Variants in ARID1B observed in about 807,000 individuals in gnomAD.
The protein encoded by ARID1B is AT-rich interaction domain 1B.
A neutral mutation model predicts 212.3 loss-of-function variants in ARID1B; 30 were observed. The observed-to-expected ratio is 0.14, with a 90% CI of 0.11 to 0.19. The LOEUF (loss-of-function observed/expected upper bound fraction) is 0.19, where lower values mean the gene tolerates loss of function less well. ARID1B is among the 10% of genes least tolerant of loss of function. ARID1B has a pLI of 1.00. For synonymous variants in ARID1B, 1,402 were observed against 1,301.7 expected, an observed-to-expected ratio of 1.08 and a Z score of -1.66; for missense variants, 2,891 against 3,204.0, an observed-to-expected ratio of 0.90 and a Z score of 2.36.
chr6:156,882,157 C>T (rs1246585321), intron 2 of ARID1B, among the ~76,000 whole-genome samples: 1 of 152,102 alleles, frequency 6.6e-6, no homozygotes, highest in Non-Finnish European at 1.5e-5. Context: ...TTCAACAGAT[C>T]TTACTCTCGT....
chr6:156,896,576 CAAAAAAAAA>C (rs72490811), intron 2 of ARID1B, among the ~76,000 whole-genome samples: 7 of 45,912 alleles, frequency 1.5e-4, no homozygotes, highest in Non-Finnish European at 2.2e-4. Context: ...AACTGCGTCT[CAAAAAAAAA>C]AAAAAAAAAA....
chr6:157,088,227 TTC>T (rs1429828345), intron 5 of ARID1B, among the ~76,000 whole-genome samples: 1 of 152,178 alleles, frequency 6.6e-6, no homozygotes, highest in African/African-American at 2.4e-5. Context: ...GGGCACCATT[TTC>T]TCATTCATAC....
chr6:157,169,638 G>A (rs2128295801), intron 9 of ARID1B: 1 of 152,258 alleles, frequency 6.6e-6, no homozygotes, highest in Admixed American at 6.5e-5. Context: ...TGTGTGATTG[G>A]TTAGGTTTTA....
At chr6:156,850,538 C>T (rs186135881) in intron 2 of ARID1B, among the ~76,000 whole-genome samples, 19 of 152,284 alleles carry the variant, frequency 1.2e-4, no homozygotes, top group African/African-American at 4.6e-4. Context: ...ACTGGAATCA[C>T]CCCTTGCACT....
At chr6:156,832,654 C>T (rs893510445) in intron 2 of ARID1B, among the ~76,000 whole-genome samples, 2 of 152,094 alleles carry the variant, frequency 1.3e-5, no homozygotes, top group Admixed American at 6.5e-5. Flanking sequence ...TCCTGGCTGG[C>T]GTTCTGCTCC....
chr6:156,950,378 A>G (rs1437185029), intron 4 of ARID1B, among the ~76,000 whole-genome samples: 1 of 152,252 alleles, frequency 6.6e-6, no homozygotes, highest in South Asian at 2.1e-4. Flanking sequence ...AAGATGGTGA[A>G]TCAGGTAGTA....
At chr6:157,133,666 C>T (rs974924387) in intron 7 of ARID1B, among the ~76,000 whole-genome samples, 6 of 152,308 alleles carry the variant, frequency 3.9e-5, no homozygotes, top group South Asian at 2.1e-4. Flanking sequence ...AGTTTCTCTC[C>T]GAGGTGCCGC....
In ARID1B at chr6:157,174,857, G is replaced by T; in HGVS notation, c.3356G>T (p.Ser1119Ile). The change falls in exon 11 of 20, where the codon AGC becomes ATC. Residue 1119 changes from serine (S) to isoleucine (I), a missense_variant. Ser to Ile is a moderately radical substitution (Grantham distance 142). Transcript: ENST00000636930. ...QPESKSKDSY[S>I]SQGISQPPTP... ...ATTCCTCTACCACAGGATAGCTACA[G>T]CTCTCAGGGTATTTCTCAGCCCCCA... 6.5e-7 allele frequency: 1 copy of T among 1,546,034 alleles called. No homozygotes were observed. The highest frequency in any genetic ancestry group is 8.7e-7 in the Non-Finnish European group (1 of 1,146,550).
At chr6:157,169,360 T>G (rs1791557061) in intron 9 of ARID1B, 1 of 152,104 alleles carries the variant, frequency 6.6e-6, no homozygotes. Flanking sequence ...TTGTAGACAG[T>G]GTACGGGGCC....
intron 8 of ARID1B, among the ~76,000 whole-genome samples, chr6:157,163,491 A>G (rs749618181): frequency 1.5e-4 from 23 of 152,134 alleles, no homozygotes; most frequent in Non-Finnish European, 2.8e-4. Flanking sequence ...GACTCTTGGC[A>G]GTAGTGTCTC....
intron 2 of ARID1B, among the ~76,000 whole-genome samples, chr6:156,832,010 G>T (rs1156341021): frequency 6.6e-6 from 1 of 152,130 alleles, no homozygotes; most frequent in East Asian, 1.9e-4. Flanking sequence ...TTGAAATATA[G>T]TATCTTGTTT....
At chr6:157,047,885 G>T (rs1782343596) in intron 4 of ARID1B, among the ~76,000 whole-genome samples, 1 of 152,148 alleles carries the variant, frequency 6.6e-6, no homozygotes, top group Admixed American at 6.5e-5. Context: ...GTAATTAGAG[G>T]CGTGTTTCAG....
intron 4 of ARID1B, among the ~76,000 whole-genome samples, chr6:156,969,891 G>A (rs1211892569): frequency 7.7e-5 from 8 of 103,626 alleles, no homozygotes; most frequent in South Asian, 3.4e-4. Context: ...ATTATATAAT[G>A]CTTTTTTTTT....
At chr6:157,031,009 A>G (rs1473806333) in intron 4 of ARID1B, among the ~76,000 whole-genome samples, 4 of 151,788 alleles carry the variant, frequency 2.6e-5, no homozygotes, top group Non-Finnish European at 5.9e-5. Flanking sequence ...AATGAGGAGA[A>G]CGAGGAGAAT....
At chr6:156,915,278 C>T (rs747142983) in intron 3 of ARID1B, among the ~76,000 whole-genome samples, 2 of 152,078 alleles carry the variant, frequency 1.3e-5, no homozygotes, top group Non-Finnish European at 2.9e-5. Context: ...AGAACAGGCA[C>T]ATTTTAGGCC....
intron 2 of ARID1B, among the ~76,000 whole-genome samples, chr6:156,897,657 G>C (rs1451088045): frequency 6.6e-6 from 1 of 151,580 alleles, no homozygotes; most frequent in Non-Finnish European, 1.5e-5. Context: ...CAGTTTTGCA[G>C]GTTTTAAAAA....
chr6:156,906,184 TG>T (rs1316645248), intron 3 of ARID1B, among the ~76,000 whole-genome samples: 1 of 151,978 alleles, frequency 6.6e-6, no homozygotes, highest in Non-Finnish European at 1.5e-5. Context: ...CTCAAGAAGC[TG>T]GGGGTACTTT....
chr6:157,126,239 T>C (rs1423896995), intron 6 of ARID1B, among the ~76,000 whole-genome samples: 1 of 152,186 alleles, frequency 6.6e-6, no homozygotes, highest in African/African-American at 2.4e-5. Context: ...TTTTTCTTAT[T>C]TGACTCTCAG....
chr6:157,032,057 A>G (rs1006987266), intron 4 of ARID1B, among the ~76,000 whole-genome samples: 1 of 152,250 alleles, frequency 6.6e-6, no homozygotes, highest in African/African-American at 2.4e-5. Context: ...TCGGCCTGCC[A>G]AAGTGCCGGG....
Sources: gnomAD v4.1 joint callset for allele counts (sites outside exome capture counted in the v4.1 genomes callset) on GRCh38, gnomAD v4.1.1 for gene constraint, MANE v1.5 for transcripts, NCBI Gene and HGNC (gene_info 2026-07-23, HGNC 2026-07-21) for gene names.